The following AKT3 variants were observed in gnomAD, a reference collection of about 807,000 sequenced individuals.
AKT3 encodes the protein RAC-gamma serine/threonine-protein kinase.
AKT3 carries 15 observed loss-of-function variants against 65.3 expected under a neutral mutation model. That is an observed-to-expected ratio of 0.23 (90% confidence interval 0.15 to 0.35). AKT3 has a LOEUF of 0.35. Among genes scored for constraint, AKT3 ranks in the 10% least tolerant of loss-of-function variants. The pLI is 1.00. For missense variants in AKT3, 243 were observed against 576.5 expected, an observed-to-expected ratio of 0.42 and a Z score of 5.92; for synonymous variants, 206 against 183.8, an observed-to-expected ratio of 1.12 and a Z score of -0.98.
rs528200648 is a variant in AKT3 at position 243,719,907 on chromosome 1, A to C, written c.47-24191T>G. Among the ~76,000 whole-genome samples, 3 of 152,352 alleles carry C rather than the reference A, an allele frequency of 2.0e-5. No homozygotes were observed. The South Asian group carries it at 6.2e-4, about 32-fold the overall frequency. ...AGGGCAGAGTAGGTGTATTACGCGC[A>C]AACGGATTTGGCCAATCTCTGCTAC... On this transcript the variant is annotated intron_variant, in intron 2 of 13. Coordinates refer to ENST00000673466, the MANE Select transcript of AKT3 (RefSeq NM_005465.7).
At chr1:243,662,266 T>C (rs1050887849) in intron 4 of AKT3, among the ~76,000 whole-genome samples, 8 of 152,098 alleles carry the variant, frequency 5.3e-5, no homozygotes, top group East Asian at 1.9e-4. Context: ...TGTATGTTTA[T>C]TGTGGCACTA....
chr1:243,518,270 A>G (rs1670490203), intron 12 of AKT3, among the ~76,000 whole-genome samples: 1 of 152,216 alleles, frequency 6.6e-6, no homozygotes, highest in Non-Finnish European at 1.5e-5. Flanking sequence ...GTGGAATATA[A>G]ACATTTGTAG....
At chr1:243,672,006 C>T (rs1234504071) in intron 3 of AKT3, among the ~76,000 whole-genome samples, 1 of 151,636 alleles carries the variant, frequency 6.6e-6, no homozygotes, top group Non-Finnish European at 1.5e-5. Context: ...CTTCCCCGTG[C>T]TTGGCCCTTC....
At chr1:243,506,433 C>T (rs1319156620) in intron 13 of AKT3, among the ~76,000 whole-genome samples, 7 of 152,196 alleles carry the variant, frequency 4.6e-5, no homozygotes, top group East Asian at 1.9e-4. Flanking sequence ...AGGGAGCATC[C>T]GCTGGATGTG....
chr1:243,532,196 G>A (rs1309415818), intron 12 of AKT3, among the ~76,000 whole-genome samples: 1 of 152,004 alleles, frequency 6.6e-6, no homozygotes, highest in Non-Finnish European at 1.5e-5. Context: ...CTTATCTCAG[G>A]GGAAAAACTT....
intron 4 of AKT3, among the ~76,000 whole-genome samples, chr1:243,652,297 G>A (rs919139355): frequency 2.0e-5 from 3 of 152,002 alleles, no homozygotes; most frequent in South Asian, 2.1e-4. Context: ...TGATCCACCC[G>A]CCTTGGCCTC....
intron 2 of AKT3, among the ~76,000 whole-genome samples, chr1:243,834,701 A>C (rs1286811293): frequency 6.6e-6 from 1 of 152,128 alleles, no homozygotes; most frequent in Non-Finnish European, 1.5e-5. Flanking sequence ...TACCCATATA[A>C]CATCTAACCA....
At chr1:243,757,711 G>A (rs986966078) in intron 2 of AKT3, among the ~76,000 whole-genome samples, 1 of 151,488 alleles carries the variant, frequency 6.6e-6, no homozygotes, top group Admixed American at 6.6e-5. Flanking sequence ...CAATGTCAAA[G>A]TTCTTACACT....
At chr1:243,493,599 T>TC (rs1378642780) in intron 13 of AKT3, among the ~76,000 whole-genome samples, 1 of 151,920 alleles carries the variant, frequency 6.6e-6, no homozygotes. Context: ...TCCCTTTTAG[T>TC]CCCCTCATAT....
At position 243,628,933 on chromosome 1, in the gene AKT3, C is replaced by T. The variant is rs77528444; in HGVS notation, c.561+8678G>A. Among the ~76,000 whole-genome samples, 1,067 of 152,306 alleles carry T rather than the reference C, an allele frequency of 7.0e-3. 3 individuals carry two copies. Among genetic ancestry groups the T allele is most frequent in the Non-Finnish European group, 0.012 (813 of 68,022 alleles). On this transcript the variant is annotated intron_variant, in intron 6 of 13. Transcript: ENST00000673466. ...ATGTACACCCATGAATGGGCTGTGG[C>T]CATTTGCCTGGCCATATGGTCAGGC...
chr1:243,789,235 A>C (rs1044588897), intron 2 of AKT3, among the ~76,000 whole-genome samples: 10 of 152,282 alleles, frequency 6.6e-5, no homozygotes, highest in African/African-American at 2.4e-4. Flanking sequence ...TTTTTTAAAA[A>C]ATTAGCCAGG....
intron 5 of AKT3, among the ~76,000 whole-genome samples, chr1:243,638,780 G>C (rs1228790236): frequency 6.6e-6 from 1 of 151,194 alleles, no homozygotes; most frequent in Non-Finnish European, 1.5e-5. Context: ...TAAAGTAAAC[G>C]TGAGAAATAT....
intron 3 of AKT3, among the ~76,000 whole-genome samples, chr1:243,674,626 A>G (rs1290964030): frequency 6.6e-6 from 1 of 152,184 alleles, no homozygotes; most frequent in Non-Finnish European, 1.5e-5. Flanking sequence ...TACCCAAAAG[A>G]GGGGTGAGGA....
intron 2 of AKT3, among the ~76,000 whole-genome samples, chr1:243,805,177 A>C (rs1692646911): frequency 6.6e-6 from 1 of 152,000 alleles, no homozygotes; most frequent in African/African-American, 2.4e-5. Context: ...ATCACAGAGA[A>C]ATTCCCTCTT....
downstream of AKT3, among the ~76,000 whole-genome samples, chr1:243,496,559 G>A (rs1667953592): frequency 6.6e-6 from 1 of 152,234 alleles, no homozygotes; most frequent in South Asian, 2.1e-4. Flanking sequence ...GGGGGGAAGG[G>A]GTTGTTACCT....
intron 2 of AKT3, among the ~76,000 whole-genome samples, chr1:243,776,791 T>G (rs1410397495): frequency 6.6e-6 from 1 of 152,218 alleles, no homozygotes; most frequent in African/African-American, 2.4e-5. Flanking sequence ...GTCTCTGATA[T>G]GTCTGAGTGC....
chr1:243,791,680 G>A (rs754022104), intron 2 of AKT3, among the ~76,000 whole-genome samples: 1 of 152,110 alleles, frequency 6.6e-6, no homozygotes, highest in Non-Finnish European at 1.5e-5. Flanking sequence ...CAACAATTCA[G>A]GCAAACCTAA....
At chr1:243,646,440 C>T (rs991467902) in intron 4 of AKT3, among the ~76,000 whole-genome samples, 1 of 151,984 alleles carries the variant, frequency 6.6e-6, no homozygotes, top group Non-Finnish European at 1.5e-5. Context: ...CTGCAACCTC[C>T]ACCTCGTGGG....
chr1:243,553,014 G>T (rs1349729277), intron 10 of AKT3, 71 bp from the exon 11 acceptor site: 2 of 1,216,482 alleles, frequency 1.6e-6, no homozygotes, highest in East Asian at 5.1e-5. Context: ...TAAAACATAA[G>T]ATTTTTACAT....
Sources: gnomAD v4.1 joint callset for allele counts (sites outside exome capture counted in the v4.1 genomes callset) on GRCh38, gnomAD v4.1.1 for gene constraint, MANE v1.5 for transcripts, NCBI Gene and HGNC (gene_info 2026-07-23, HGNC 2026-07-21) for gene names.